Variants in CREBBP observed in about 807,000 individuals in gnomAD.
The protein encoded by CREBBP is CREB-binding protein.
CREBBP carries 19 observed loss-of-function variants against 265.0 expected under a neutral mutation model. The observed-to-expected ratio is 0.07, with a 90% CI of 0.05 to 0.11. The LOEUF (loss-of-function observed/expected upper bound fraction) is 0.11, where lower values mean the gene tolerates loss of function less well. Among genes scored for constraint, CREBBP ranks in the 10% least tolerant of loss-of-function variants. The pLI is 1.00. For missense variants in CREBBP, 2,525 were observed against 3,219.0 expected (o/e 0.78, Z 5.22); for synonymous variants, 1,457 against 1,223.7 (o/e 1.19, Z -3.98).
intron 2 of CREBBP, chr16:3,840,926 C>G (rs1033022259): frequency 1.3e-5 from 2 of 156,148 alleles, no homozygotes; most frequent in Non-Finnish European, 2.9e-5. Context: ...ATTTCAGATG[C>G]TGCTGCAGTT....
chr16:3,738,081 C>T (rs1051637041), intron 26 of CREBBP, among the ~76,000 whole-genome samples: 5 of 151,608 alleles, frequency 3.3e-5, no homozygotes, highest in South Asian at 2.1e-4. Context: ...CCACCGCGCC[C>T]GGCCTTTTTT....
Position 3,764,706 on chromosome 16 carries a change from C to A in CREBBP, c.3250+3014G>T, listed in dbSNP as rs370283804. Among the ~76,000 whole-genome samples, 9 of 152,110 alleles carry A rather than the reference C, an allele frequency of 5.9e-5. No individual in the cohort carries two copies. In the South Asian group the frequency reaches 1.2e-3, roughly 21 times the overall value. ...TCAAGTGATCCTGCTGCCTCAGCCT[C>A]CTGAGTAGCCAGGACTACAGGCATG... On this transcript the variant is annotated intron_variant, in intron 16 of 30. Transcript: ENST00000262367.
At chr16:3,792,807 C>T (rs915882761) in intron 4 of CREBBP, among the ~76,000 whole-genome samples, 7 of 152,194 alleles carry the variant, frequency 4.6e-5, no homozygotes, top group African/African-American at 7.2e-5. Flanking sequence ...GAGGTGTCTG[C>T]GGTAAAAGGG....
At chr16:3,839,064 T>G (rs145662092) in intron 2 of CREBBP, among the ~76,000 whole-genome samples, 1 of 152,238 alleles carries the variant, frequency 6.6e-6, no homozygotes, top group Non-Finnish European at 1.5e-5. Flanking sequence ...TTCTGTAAGA[T>G]AGAGATTATT....
At position 3,757,027 on chromosome 16, in the gene CREBBP, C is replaced by G. The variant is rs9929313; in HGVS notation, c.3698+261G>C. On this transcript the variant is annotated intron_variant, in intron 19 of 30. Transcript: ENST00000262367. The stretch of plus-strand genomic sequence containing the variant: ...CTAACAAGACACTGAAACCGAGCCA[C>G]TTTTTCTCTTTTTTTTTCTTTTCAA... 0.013 allele frequency among the ~76,000 whole-genome samples: 1,912 copies of G among 152,274 alleles called. 49 individuals carry two copies. The highest frequency in any genetic ancestry group is 0.043 in the African/African-American group (1,801 of 41,536).
chr16:3,817,518 G>C (rs970016794), intron 2 of CREBBP, among the ~76,000 whole-genome samples: 3 of 152,096 alleles, frequency 2.0e-5, no homozygotes, highest in African/African-American at 4.8e-5. Context: ...ATCTAGTCTC[G>C]TAAAAAAGTT....
At chr16:3,817,702 G>C (rs1004721926) in intron 2 of CREBBP, among the ~76,000 whole-genome samples, 1 of 152,170 alleles carries the variant, frequency 6.6e-6, no homozygotes, top group African/African-American at 2.4e-5. Flanking sequence ...TACAATAGTA[G>C]CAAGCCAAGC....
At chr16:3,806,406 T>A (rs902235916) in intron 3 of CREBBP, among the ~76,000 whole-genome samples, 2 of 151,332 alleles carry the variant, frequency 1.3e-5, no homozygotes, top group Non-Finnish European at 2.9e-5. Flanking sequence ...TACTGATGAA[T>A]CTCCTGCATC....
At chr16:3,755,038 A>G (rs2052557093) in intron 19 of CREBBP, among the ~76,000 whole-genome samples, 1 of 152,262 alleles carries the variant, frequency 6.6e-6, no homozygotes, top group Admixed American at 6.5e-5. Context: ...GAGGAACGCT[A>G]CGCCTACGCT....
chr16:3,816,744 T>G (rs1012854572), intron 2 of CREBBP, among the ~76,000 whole-genome samples: 1 of 152,174 alleles, frequency 6.6e-6, no homozygotes, highest in Non-Finnish European at 1.5e-5. Flanking sequence ...TGAACCTGTT[T>G]TGGTCACAAA....
At chr16:3,787,570 G>A (rs2053415031) in intron 5 of CREBBP, among the ~76,000 whole-genome samples, 1 of 152,034 alleles carries the variant, frequency 6.6e-6, no homozygotes, top group Non-Finnish European at 1.5e-5. Context: ...CACCTGATGG[G>A]CTATTCGATG....
At chr16:3,740,058 CTA>C (rs2052163709) in intron 24 of CREBBP, among the ~76,000 whole-genome samples, 1 of 152,196 alleles carries the variant, frequency 6.6e-6, no homozygotes, top group Admixed American at 6.5e-5. Context: ...GTATCAACCT[CTA>C]TGCGTTTTTT....
chr16:3,779,010 T>C (rs1426100807), intron 8 of CREBBP, among the ~76,000 whole-genome samples, 193 bp from the exon 9 acceptor site: 1 of 151,698 alleles, frequency 6.6e-6, no homozygotes, highest in Non-Finnish European at 1.5e-5. Context: ...CTACTAAAAA[T>C]ACAAAAATTA....
intron 5 of CREBBP, among the ~76,000 whole-genome samples, chr16:3,788,677 G>A (rs886173085): frequency 3.3e-5 from 5 of 152,236 alleles, no homozygotes; most frequent in Non-Finnish European, 7.3e-5. Flanking sequence ...GAGGCCAGGC[G>A]CGGTGGCTCA....
intron 19 of CREBBP, among the ~76,000 whole-genome samples, chr16:3,754,802 G>A (rs183174733): frequency 6.6e-6 from 1 of 152,294 alleles, no homozygotes; most frequent in African/African-American, 2.4e-5. Context: ...TTGTTTAAAT[G>A]ATCTGTAGGA....
chr16:3,773,303 T>C (rs1490188681), intron 13 of CREBBP, among the ~76,000 whole-genome samples: 1 of 152,194 alleles, frequency 6.6e-6, no homozygotes, highest in Non-Finnish European at 1.5e-5. Flanking sequence ...ACTATTGAAA[T>C]GATTCTGTTA....
intron 2 of CREBBP, among the ~76,000 whole-genome samples, chr16:3,814,948 A>G (rs1225053751): frequency 1.3e-5 from 2 of 152,232 alleles, no homozygotes; most frequent in East Asian, 3.9e-4. Context: ...ACAGGGTATC[A>G]CTGCTCATTG....
intron 2 of CREBBP, among the ~76,000 whole-genome samples, chr16:3,838,925 C>T (rs2054510757): frequency 6.6e-6 from 1 of 152,134 alleles, no homozygotes. Context: ...TGTTGTGTGG[C>T]TATCTCAAAT....
chr16:3,790,366 C>CTTTTTTTTTTTTT (rs57582399), intron 5 of CREBBP, among the ~76,000 whole-genome samples: 1 of 66,588 alleles, frequency 1.5e-5, no homozygotes, highest in Non-Finnish European at 2.7e-5. Flanking sequence ...AGGAAACTGG[C>CTTTTTTTTTTTTT]TTTTTTTTTT....
Sources: gnomAD v4.1 joint callset for allele counts (sites outside exome capture counted in the v4.1 genomes callset) on GRCh38, gnomAD v4.1.1 for gene constraint, MANE v1.5 for transcripts, NCBI Gene and HGNC (gene_info 2026-07-23, HGNC 2026-07-21) for gene names.